The following STXBP3 variants were observed in gnomAD, a reference collection of about 807,000 sequenced individuals.
STXBP3 encodes syntaxin-binding protein 3.
In STXBP3, 41 loss-of-function variants were observed where a neutral mutation model predicts 85.7. That is an observed-to-expected ratio of 0.48 (90% CI 0.37 to 0.62). STXBP3 has a LOEUF of 0.62. Ranked by LOEUF, STXBP3 falls within the 20% of genes least tolerant of loss-of-function variation. The probability of loss-of-function intolerance (pLI) is 0.00; values close to 1 mark genes in which losing one functional copy is unlikely to be tolerated. For missense variants in STXBP3, 563 were observed against 703.1 expected, an observed-to-expected ratio of 0.80 and a Z score of 2.25; for synonymous variants, 229 against 231.7, an observed-to-expected ratio of 0.99 and a Z score of 0.10.
intron 11 of STXBP3, among the ~76,000 whole-genome samples, chr1:108,791,089 G>A (rs934132482): frequency 5.3e-5 from 8 of 151,800 alleles, no homozygotes; most frequent in East Asian, 1.9e-4. Context: ...GGGCATCTTC[G>A]TTTTGCAATT....
At chr1:108,764,800 T>C (rs971950424) in intron 6 of STXBP3, among the ~76,000 whole-genome samples, 1 of 152,232 alleles carries the variant, frequency 6.6e-6, no homozygotes, top group African/African-American at 2.4e-5. Flanking sequence ...ATGCATAGTT[T>C]GCAAATACTT....
intron 6 of STXBP3, among the ~76,000 whole-genome samples, chr1:108,762,339 G>A (rs1037462838): frequency 2.0e-5 from 3 of 152,098 alleles, no homozygotes; most frequent in South Asian, 2.1e-4. Flanking sequence ...TACACAACAC[G>A]GAAATTTATT....
rs1178080443 is a variant in STXBP3, at chr1:108,754,844, T to C, written c.181+1700T>C. 3.3e-5 allele frequency among the ~76,000 whole-genome samples: 5 copies of C among 152,308 alleles called. No individual in the cohort carries two copies. In the East Asian group the frequency reaches 9.6e-4, roughly 29 times the overall value. ...AAGCATTTCATAGGACTGTATATCA[T>C]AGAGCTCGCTGCTGTGGGATACCTT... On this transcript the variant is annotated intron_variant, in intron 3 of 18. Coordinates refer to ENST00000370008, the MANE Select transcript of STXBP3 (RefSeq NM_007269.4).
chr1:108,786,330 G>A (rs1461002749), intron 11 of STXBP3, among the ~76,000 whole-genome samples: 1 of 152,076 alleles, frequency 6.6e-6, no homozygotes, highest in Non-Finnish European at 1.5e-5. Context: ...GAACAGCATG[G>A]GGGAAACTGC....
intron 1 of STXBP3, among the ~76,000 whole-genome samples, chr1:108,747,150 C>CTCTTCTCCGCTCCCGT (rs1348433445): frequency 6.6e-6 from 1 of 152,100 alleles, no homozygotes; most frequent in Non-Finnish European, 1.5e-5. Flanking sequence ...CCGCGCTCCA[C>CTCTTCTCCGCTCCCGT]CAGTTGGGGA....
At chr1:108,773,298 A>G (rs1662508276) in intron 7 of STXBP3, among the ~76,000 whole-genome samples, 1 of 152,166 alleles carries the variant, frequency 6.6e-6, no homozygotes, top group African/African-American at 2.4e-5. Context: ...TTTAAAAATG[A>G]AGTTTACTAT....
chr1:108,800,118 G>C (rs1199435835), intron 16 of STXBP3, 102 bp from the exon 17 acceptor site: 3 of 758,278 alleles, frequency 4.0e-6, no homozygotes, highest in Non-Finnish European at 7.0e-6. Context: ...AAATATTTAT[G>C]TCTAAGGTTC....
chr1:108,770,222 G>A (rs1418902984), intron 6 of STXBP3, among the ~76,000 whole-genome samples: 1 of 152,044 alleles, frequency 6.6e-6, no homozygotes, highest in Non-Finnish European at 1.5e-5. Flanking sequence ...TTGAGCCCAG[G>A]ACCTCAAGGC....
At chr1:108,801,330 T>C (rs185074604) in intron 17 of STXBP3, among the ~76,000 whole-genome samples, 7 of 152,352 alleles carry the variant, frequency 4.6e-5, no homozygotes, top group African/African-American at 1.7e-4. Flanking sequence ...GTATATCTAC[T>C]AATTTTTGGT....
At chr1:108,777,450 CTTAGATG>C (rs1334766009) in intron 8 of STXBP3, among the ~76,000 whole-genome samples, 1 of 151,996 alleles carries the variant, frequency 6.6e-6, no homozygotes. Context: ...AAGATATAAA[CTTAGATG>C]TTAGGTTAGT....
At chr1:108,769,490 A>T (rs1662337405) in intron 6 of STXBP3, among the ~76,000 whole-genome samples, 1 of 152,196 alleles carries the variant, frequency 6.6e-6, no homozygotes, top group African/African-American at 2.4e-5. Context: ...TGGTACAGTT[A>T]GTAGAGAGGA....
At chr1:108,758,438 A>G (rs1024879006) in intron 4 of STXBP3, 72 bp from the exon 5 acceptor site, 9 of 657,738 alleles carry the variant, frequency 1.4e-5, no homozygotes, top group African/African-American at 7.8e-5. Context: ...AAATAATCTT[A>G]GTCATTTCAA....
chr1:108,807,121 A>G (rs552415670), intron 17 of STXBP3, among the ~76,000 whole-genome samples: 31 of 152,230 alleles, frequency 2.0e-4, no homozygotes, highest in East Asian at 3.9e-4. Flanking sequence ...GCATGGTGGC[A>G]CATGCCTGTA....
At chr1:108,756,081 A>G (rs545052819) in intron 3 of STXBP3, among the ~76,000 whole-genome samples, 2 of 152,300 alleles carry the variant, frequency 1.3e-5, no homozygotes, top group Non-Finnish European at 1.5e-5. Flanking sequence ...TTAATTTGAC[A>G]AAGTTTATTA....
Position 108,766,396 on chromosome 1 carries a change from A to G in STXBP3, c.439-6269A>G, listed in dbSNP as rs1278398241. Among the ~76,000 whole-genome samples the G allele has an allele frequency of 2.0e-5, 3 of 152,198 alleles. No individual in the cohort carries two copies. In the East Asian group the frequency reaches 5.8e-4, roughly 29 times the overall value. The stretch of plus-strand genomic sequence containing the variant: ...TACTTATTTCATATTAACCATATCC[A>G]GTTGCTATGATAAGTCTCTATGTTT... On this transcript the variant is annotated intron_variant, in intron 6 of 18. Coordinates refer to ENST00000370008, the MANE Select transcript of STXBP3 (RefSeq NM_007269.4).
chr1:108,765,570 A>ATTTTTTTTT lies in STXBP3; in HGVS notation c.438+5499_438+5507dup, dbSNP rs35813823. 1.5e-4 allele frequency among the ~76,000 whole-genome samples: 10 copies of ATTTTTTTTT among 67,166 alleles called. 3 individuals are homozygous for ATTTTTTTTT. Among genetic ancestry groups the ATTTTTTTTT allele is most frequent in the Admixed American group, 3.0e-4 (2 of 6,740 alleles). 44.1% of individuals were successfully genotyped at this position (67,166 alleles called of 152,430 possible). ...TCATGGTAAAAAGCACCACATGCTA[A>ATTTTTTTTT]TTTTTTTTTTTTTTTTTTTTTTGAG... On this transcript the variant is annotated intron_variant, in intron 6 of 18. Transcript: ENST00000370008.
At chr1:108,793,114 C>T (rs1227855577) in intron 11 of STXBP3, among the ~76,000 whole-genome samples, 1 of 142,324 alleles carries the variant, frequency 7.0e-6, no homozygotes, top group East Asian at 2.4e-4. Flanking sequence ...TTTTAGCACT[C>T]TGCTTCCCAA....
chr1:108,793,966 TTAAAG>T (rs1663032404), intron 12 of STXBP3, among the ~76,000 whole-genome samples: 1 of 152,230 alleles, frequency 6.6e-6, no homozygotes, highest in Non-Finnish European at 1.5e-5. Flanking sequence ...ACATGTTTCT[TTAAAG>T]TAATAGTTAC....
chr1:108,788,756 T>C (rs1378729750), intron 11 of STXBP3, among the ~76,000 whole-genome samples: 1 of 152,050 alleles, frequency 6.6e-6, no homozygotes, highest in Non-Finnish European at 1.5e-5. Context: ...TTTATTCCCC[T>C]ATATATTATT....
Sources: allele counts gnomAD v4.1 joint callset (sites outside exome capture counted in the v4.1 genomes callset), GRCh38; gene constraint gnomAD v4.1.1; transcripts MANE v1.5; gene names NCBI Gene and HGNC (gene_info 2026-07-23, HGNC 2026-07-21).